Variants in STARD10 observed in about 807,000 individuals in gnomAD.
The protein encoded by STARD10 is StAR related lipid transfer domain containing 10.
A neutral mutation model predicts 36.0 loss-of-function variants in STARD10; 24 were observed. The ratio of observed to expected loss-of-function variants is 0.67; its 90% CI spans 0.48 to 0.94. STARD10 has a LOEUF of 0.94. Among genes scored for constraint, STARD10 ranks in the 40% least tolerant of loss-of-function variants. STARD10 has a pLI of 0.00. For synonymous variants in STARD10, 156 were observed against 161.9 expected, an observed-to-expected ratio of 0.96 and a Z score of 0.28; for missense variants, 335 against 396.6, an observed-to-expected ratio of 0.84 and a Z score of 1.32.
chr11:72,790,851 T>C (rs991418264), intron 1 of STARD10, among the ~76,000 whole-genome samples: 1 of 152,354 alleles, frequency 6.6e-6, no homozygotes, highest in Middle Eastern at 3.4e-3. Flanking sequence ...GGTCCTCCCT[T>C]GACTTTCAGA....
Position 72,757,756 on chromosome 11 carries a change from C to T in STARD10, c.577+11G>A. On this transcript the variant is annotated intron_variant, in intron 5 of 6. Coordinates refer to ENST00000334805, the MANE Select transcript of STARD10 (RefSeq NM_006645.3). ...GGATCCCATGATAGGCTGCCAGGGC[C>T]AAGCCCTCACCTTTGGGGTCCACCT... 6.2e-7 allele frequency: 1 copy of T among 1,612,922 alleles called. No homozygotes were observed. Among genetic ancestry groups the T allele is most frequent in the East Asian group, 2.2e-5 (1 of 44,880 alleles).
chr11:72,754,921 G>A lies in STARD10; in HGVS notation c.852C>T (p.Ser284=), dbSNP rs752916122. The part of the protein sequence containing the change: ...ERMGGAGGEG[S]DDDTSLT ...CTCAGGTGAGCGAGGTGTCGTCGTC[G>A]CTGCCCTCGCCGCCCGCGCCGCCCA... Residue 284 remains serine, a synonymous_variant, in exon 7 of 7, where the codon AGC becomes AGT. Transcript: ENST00000334805. 3 of 1,600,658 alleles carry A rather than the reference G, an allele frequency of 1.9e-6. No individual in the cohort carries two copies. The highest frequency in any genetic ancestry group is 2.2e-5 in the East Asian group (1 of 44,652).
chr11:72,776,239 C>T (rs1350862076), intron 2 of STARD10, among the ~76,000 whole-genome samples: 3 of 152,182 alleles, frequency 2.0e-5, no homozygotes, highest in African/African-American at 4.8e-5. Flanking sequence ...GCCTCCCCTA[C>T]GCTGGCCTAA....
intron 3 of STARD10, among the ~76,000 whole-genome samples, chr11:72,759,003 T>C (rs1858683444): frequency 1.3e-5 from 2 of 152,230 alleles, no homozygotes; most frequent in African/African-American, 2.4e-5. Flanking sequence ...TGTATGCCTA[T>C]GTGTGTATGT....
intron 1 of STARD10, among the ~76,000 whole-genome samples, chr11:72,790,932 C>T (rs1049240282): frequency 3.9e-5 from 6 of 152,172 alleles, no homozygotes; most frequent in African/African-American, 1.4e-4. Context: ...GCTTCTCTGC[C>T]CCTGCATTGA....
intron 1 of STARD10, among the ~76,000 whole-genome samples, chr11:72,785,432 G>A (rs1278022021): frequency 2.6e-5 from 4 of 151,762 alleles, no homozygotes; most frequent in African/African-American, 9.7e-5. Context: ...AGGTGTGGTG[G>A]CACGCACCTG....
Position 72,781,183 on chromosome 11 carries a change from G to A in STARD10, c.-2C>T, listed in dbSNP as rs1858991277. 6.2e-7 allele frequency: 1 copy of A among 1,607,490 alleles called. No homozygotes were observed. Among genetic ancestry groups the A allele is most frequent in the Non-Finnish European group, 8.5e-7 (1 of 1,179,444 alleles). ...TGTAGAGGCCGCCAGCTTCTCCATG[G>A]GGAGTGTGGGGAGGCCCAGGGCCCT... On this transcript the variant is annotated 5_prime_UTR_variant, in exon 2 of 7. Transcript: ENST00000334805. This position sits in a 1 kb window ranked among gnomAD's most constrained non-coding sequence, Gnocchi z 4.7.
chr11:72,775,113 T>C (rs540770278), intron 2 of STARD10, among the ~76,000 whole-genome samples: 2 of 152,232 alleles, frequency 1.3e-5, no homozygotes, highest in South Asian at 2.1e-4. Context: ...GCAGGCCCCA[T>C]CCATGTACAG....
At chr11:72,783,253 G>A (rs1223908773) in intron 1 of STARD10, among the ~76,000 whole-genome samples, 1 of 152,094 alleles carries the variant, frequency 6.6e-6, no homozygotes, top group Non-Finnish European at 1.5e-5. Flanking sequence ...TGACCCTAAA[G>A]GGCATCCTGC....
At chr11:72,786,139 G>A (rs1859068198) in intron 1 of STARD10, among the ~76,000 whole-genome samples, 1 of 152,172 alleles carries the variant, frequency 6.6e-6, no homozygotes, top group Admixed American at 6.5e-5. Flanking sequence ...ACTGCATGAG[G>A]CTAAGAGCTC....
intron 2 of STARD10, among the ~76,000 whole-genome samples, chr11:72,765,012 A>G (rs1858769064): frequency 1.3e-5 from 2 of 152,224 alleles, no homozygotes; most frequent in Admixed American, 1.3e-4. Context: ...TCACTCCTGT[A>G]ATCCTAGCAC....
intron 2 of STARD10, among the ~76,000 whole-genome samples, chr11:72,771,502 T>G (rs1223707598): frequency 6.6e-6 from 1 of 152,290 alleles, no homozygotes; most frequent in East Asian, 1.9e-4. Context: ...CCAACTCATC[T>G]TCTTCCCAAA....
At chr11:72,758,020 C>T (rs1858667331) in intron 4 of STARD10, 136 bp from the exon 5 acceptor site, 1 of 813,990 alleles carries the variant, frequency 1.2e-6, no homozygotes, top group African/African-American at 1.7e-5. Flanking sequence ...CAGATCAGTC[C>T]TGATTCTGGG....
At chr11:72,784,876 T>C (rs1288085338) in intron 1 of STARD10, among the ~76,000 whole-genome samples, 2 of 152,166 alleles carry the variant, frequency 1.3e-5, no homozygotes, top group Admixed American at 1.3e-4. Flanking sequence ...GAGGCATCAT[T>C]ACACAGGGCA....
intron 2 of STARD10, among the ~76,000 whole-genome samples, chr11:72,772,663 A>ATC (rs144004318): frequency 6.6e-6 from 1 of 150,454 alleles, no homozygotes; most frequent in Non-Finnish European, 1.5e-5. Flanking sequence ...CTGTCTGTCT[A>ATC]TCTCTCTCTC....
chr11:72,763,171 C>A lies in STARD10; in HGVS notation c.208-3790G>T, dbSNP rs933515457. 5.9e-5 allele frequency among the ~76,000 whole-genome samples: 9 copies of A among 152,258 alleles called. 1 individual carries two copies. The East Asian group carries it at 1.7e-3, about 29-fold the overall frequency. ...CAAGCTAGGACAGTTGATCACTCTA[C>A]CATGGGCTCAATCTGAGATAAGCTG... On this transcript the variant is annotated intron_variant, in intron 2 of 6. Coordinates refer to ENST00000334805, the MANE Select transcript of STARD10 (RefSeq NM_006645.3).
Position 72,788,003 on chromosome 11 carries a change from G to A in STARD10, c.-114+4872C>T, listed in dbSNP as rs533673032. Among the ~76,000 whole-genome samples, 4 of 147,344 alleles carry A rather than the reference G, an allele frequency of 2.7e-5. No individual in the cohort carries two copies. In the South Asian group the frequency reaches 6.2e-4, roughly 23 times the overall value. The stretch of plus-strand genomic sequence containing the variant: ...CCGTTTGGGTGATAGGAGAGGTTTG[G>A]GGGGGGCAGCCCCAAAACATAGCCT... On this transcript the variant is annotated intron_variant, in intron 1 of 6. Transcript: ENST00000334805.
intron 5 of STARD10, 35 bp downstream of exon 5, chr11:72,757,732 G>T (rs745994667): frequency 6.3e-7 from 1 of 1,592,236 alleles, no homozygotes; most frequent in Non-Finnish European, 8.6e-7. Flanking sequence ...TATAGGGAAG[G>T]ATCCCATGAT....
rs1322895969 is a variant in STARD10 at position 72,757,839 on chromosome 11, T to C, written c.505A>G (p.Thr169Ala). The C allele has an allele frequency of 1.2e-6, 2 of 1,614,022 alleles. No individual in the cohort carries two copies. The highest frequency in any genetic ancestry group is 1.7e-6 in the Non-Finnish European group (2 of 1,180,016). ...CCTGTGCTCTGGATGAGGTAGCCCG[T>C]CTGGATGGACACAGCTCGGACCAAG... ...KDLVRAVSIQTGYLIQSTGPK... is the reference protein window; with the variant it reads ...KDLVRAVSIQAGYLIQSTGPK... The change falls in exon 5 of 7, where the codon ACG becomes GCG. Residue 169 changes from threonine (T) to alanine (A), a missense_variant. Coordinates refer to ENST00000334805, the MANE Select transcript of STARD10 (RefSeq NM_006645.3).
Sources: gnomAD v4.1 joint callset for allele counts (sites outside exome capture counted in the v4.1 genomes callset) on GRCh38, gnomAD v4.1.1 for gene constraint, Gnocchi (gnomAD v3.1) non-coding constraint, MANE v1.5 for transcripts, NCBI Gene and HGNC (gene_info 2026-07-23, HGNC 2026-07-21) for gene names.